Variants in CPS1 observed in about 807,000 individuals in gnomAD.
CPS1 encodes carbamoyl-phosphate synthase 1, also known as carbamoyl-phosphate synthase [ammonia], mitochondrial.
CPS1 carries 109 observed loss-of-function variants against 174.6 expected under a neutral mutation model. The ratio of observed to expected loss-of-function variants is 0.62; its 90% CI spans 0.53 to 0.73. CPS1 has a LOEUF of 0.73. Ranked by LOEUF, CPS1 falls within the 30% of genes least tolerant of loss-of-function variation. The pLI is 0.00. For missense variants in CPS1, 1,689 were observed against 1,821.9 expected (o/e 0.93, Z 1.33); for synonymous variants, 637 against 632.0 (o/e 1.01, Z -0.12).
chr2:210,598,008 G>T (rs1448819731), intron 13 of CPS1, among the ~76,000 whole-genome samples: 1 of 151,746 alleles, frequency 6.6e-6, no homozygotes, highest in African/African-American at 2.4e-5. Context: ...AGTGCTTCCA[G>T]CAAGAAGGGA....
At chr2:210,642,264 C>T (rs1700248415) in intron 24 of CPS1, among the ~76,000 whole-genome samples, 2 of 152,212 alleles carry the variant, frequency 1.3e-5, no homozygotes, top group African/African-American at 4.8e-5. Context: ...GCATATATGA[C>T]AAGCCCAATA....
At chr2:210,480,046 A>T (rs1270330861) in intron 1 of CPS1, among the ~76,000 whole-genome samples, 1 of 152,196 alleles carries the variant, frequency 6.6e-6, no homozygotes, top group Admixed American at 6.5e-5. Context: ...GCCTCAAAAC[A>T]TAATCTCCAA....
At chr2:210,639,240 C>A (rs1356822508) in intron 23 of CPS1, 25 bp downstream of exon 23, 2 of 1,528,964 alleles carry the variant, frequency 1.3e-6, no homozygotes, top group Admixed American at 3.3e-5. Flanking sequence ...ATTGGCCTAT[C>A]CAGAAAGCTC....
At chr2:210,487,470 G>T (rs1694761637) in intron 1 of CPS1, among the ~76,000 whole-genome samples, 1 of 152,222 alleles carries the variant, frequency 6.6e-6, no homozygotes, top group African/African-American at 2.4e-5. Flanking sequence ...TGTCTTGTGG[G>T]TTGGAACACA....
At chr2:210,502,899 A>C (rs1445205362) in intron 1 of CPS1, among the ~76,000 whole-genome samples, 1 of 152,182 alleles carries the variant, frequency 6.6e-6, no homozygotes, top group East Asian at 1.9e-4. Context: ...GGCTTGATTC[A>C]CCTTAATTGA....
chr2:210,517,965 A>G (rs16844562), intron 1 of CPS1, among the ~76,000 whole-genome samples: 1,731 of 152,108 alleles, frequency 0.011, 25 homozygotes, highest in African/African-American at 0.037. Flanking sequence ...CATGCTATCT[A>G]TGTGACTGAA....
At chr2:210,612,069 A>G in intron 19 of CPS1, 48 bp from the exon 20 acceptor site, 1 of 1,541,796 alleles carries the variant, frequency 6.5e-7, no homozygotes, top group Non-Finnish European at 9.0e-7. Flanking sequence ...CAAATTAAAG[A>G]TACATAAGCT....
chr2:210,502,427 AAGAG>A lies in CPS1; in HGVS notation c.3+24665_3+24668del, dbSNP rs780608608. Among the ~76,000 whole-genome samples, 1,224 of 146,320 alleles carry A rather than the reference AAGAG, an allele frequency of 8.4e-3. 20 individuals are homozygous for A. The highest frequency in any genetic ancestry group is 0.036 in the Middle Eastern group (10 of 278). On this transcript the variant is annotated intron_variant, in intron 1 of 38. Coordinates refer to the CPS1 transcript ENST00000430249. ...TTATATATATATAATATATATATAA[AAGAG>A]AGATATAGAGATATCTATGAGATAC... is the stretch of plus-strand genomic sequence containing the variant.
chr2:210,523,254 C>T (rs957369965), intron 1 of CPS1, among the ~76,000 whole-genome samples: 3 of 151,994 alleles, frequency 2.0e-5, no homozygotes, highest in African/African-American at 2.4e-5. Flanking sequence ...AACCAGCAGA[C>T]TTTATTTTAG....
intron 21 of CPS1, among the ~76,000 whole-genome samples, chr2:210,617,018 G>T (rs1463370677): frequency 1.3e-5 from 2 of 151,754 alleles, no homozygotes; most frequent in Admixed American, 1.3e-4. Context: ...TTTTAAATTG[G>T]GACATTCAGT....
chr2:210,643,563 G>A (rs4356603), intron 25 of CPS1, among the ~76,000 whole-genome samples: 36,250 of 151,970 alleles, frequency 0.24, 8,951 homozygotes, highest in African/African-American at 0.63. Context: ...TAAATGAATC[G>A]TCTGAGTATA....
At position 210,556,623 on chromosome 2, in the gene CPS1, A is replaced by G; in HGVS notation, c.-111A>G. 2 of 1,546,756 alleles carry G rather than the reference A, an allele frequency of 1.3e-6. No homozygotes were observed. The highest frequency in any genetic ancestry group is 1.7e-6 in the Non-Finnish European group (2 of 1,146,652). The stretch of plus-strand genomic sequence containing the variant: ...CAAAGATCGCTGTGCAGTCAGCCTT[A>G]AACACTGACTGCACCCCTCCCAGAT... On this transcript the variant is annotated 5_prime_UTR_variant, in exon 1 of 38. Coordinates refer to ENST00000233072, the MANE Select transcript of CPS1 (RefSeq NM_001875.5).
chr2:210,648,569 A>G (rs755873281), intron 27 of CPS1, 29 bp downstream of exon 27: 4 of 1,578,754 alleles, frequency 2.5e-6, no homozygotes, highest in South Asian at 1.1e-5. Flanking sequence ...TTCCAAAACA[A>G]TGATTCAAAA....
intron 1 of CPS1, among the ~76,000 whole-genome samples, chr2:210,538,489 C>A (rs1442097170): frequency 1.2e-4 from 18 of 151,700 alleles, no homozygotes; most frequent in African/African-American, 4.4e-4. Context: ...AATTTTAATC[C>A]TTTACTTCAT....
chr2:210,652,924 C>T (rs1421181012), intron 28 of CPS1, among the ~76,000 whole-genome samples: 1 of 152,040 alleles, frequency 6.6e-6, no homozygotes, highest in African/African-American at 2.4e-5. Flanking sequence ...GAAGAAAGAA[C>T]CACGAATGAG....
intron 1 of CPS1, among the ~76,000 whole-genome samples, chr2:210,512,893 GAT>G (rs1173255536): frequency 6.5e-5 from 6 of 92,946 alleles, no homozygotes; most frequent in Admixed American, 2.7e-4. Flanking sequence ...TATATATGGA[GAT>G]ATATATATAT....
At chr2:210,658,800 C>G in intron 31 of CPS1, 112 bp downstream of exon 31, 2 of 777,074 alleles carry the variant, frequency 2.6e-6, no homozygotes, top group Non-Finnish European at 2.2e-6. Context: ...AACTGAGACC[C>G]CTGGATCTGT....
chr2:210,640,079 G>A lies in CPS1; in HGVS notation c.2959+20G>A. 1 of 1,446,714 alleles carries A rather than the reference G, an allele frequency of 6.9e-7. No individual in the cohort carries two copies. The highest frequency in any genetic ancestry group is 9.7e-7 in the Non-Finnish European group (1 of 1,029,002). 89.6% of individuals were successfully genotyped at this position (1,446,714 alleles called of 1,614,324 possible). A position where few individuals can be genotyped will look rare whatever the true frequency, so the allele number is the denominator to read the frequency against. ...ACATTGGTAAAATAATAAATTATGT[G>A]TATATAGGACTTTACACAATTTATA... On this transcript the variant is annotated intron_variant, in intron 24 of 37. Transcript: ENST00000233072.
At chr2:210,494,139 T>C (rs1048636625) in intron 1 of CPS1, among the ~76,000 whole-genome samples, 4 of 152,214 alleles carry the variant, frequency 2.6e-5, no homozygotes, top group Non-Finnish European at 5.9e-5. Flanking sequence ...ATGCAGGCAT[T>C]AGAACATTTA....
Sources: gnomAD v4.1 joint callset for allele counts (sites outside exome capture counted in the v4.1 genomes callset) on GRCh38, gnomAD v4.1.1 for gene constraint, MANE v1.5 for transcripts, NCBI Gene and HGNC (gene_info 2026-07-23, HGNC 2026-07-21) for gene names.